Variants in ADGRL2 observed in about 807,000 individuals in gnomAD.
The protein encoded by ADGRL2 is calcium-independent alpha-latrotoxin receptor 2.
ADGRL2 carries 44 observed loss-of-function variants against 157.4 expected under a neutral mutation model. The observed-to-expected ratio is 0.28, with a 90% CI of 0.22 to 0.36. The LOEUF is 0.36. ADGRL2 is among the 10% of genes least tolerant of loss of function. The pLI, the probability that ADGRL2 is intolerant of heterozygous loss-of-function variation, is 1.00. For missense variants in ADGRL2, 1,510 were observed against 1,768.9 expected, an observed-to-expected ratio of 0.85 and a Z score of 2.63; for synonymous variants, 585 against 624.7, an observed-to-expected ratio of 0.94 and a Z score of 0.95.
chr1:81,368,648 A>C (rs1206957977), intron 1 of ADGRL2, among the ~76,000 whole-genome samples: 4 of 152,186 alleles, frequency 2.6e-5, no homozygotes. Flanking sequence ...AGTACCTTCC[A>C]ATCCTTAATG....
intron 2 of ADGRL2, among the ~76,000 whole-genome samples, chr1:81,520,710 A>G (rs1389327825): frequency 6.6e-6 from 1 of 152,170 alleles, no homozygotes; most frequent in Non-Finnish European, 1.5e-5. Flanking sequence ...CTCCCCAACC[A>G]TGCAGAACTG....
chr1:81,332,567 C>T (rs938660472), intron 1 of ADGRL2, among the ~76,000 whole-genome samples: 1 of 152,042 alleles, frequency 6.6e-6, no homozygotes, highest in African/African-American at 2.4e-5. Context: ...CAATTTAATC[C>T]CAGGTAGATG....
chr1:81,359,680 T>C (rs7533226), intron 1 of ADGRL2, among the ~76,000 whole-genome samples: 5,318 of 152,066 alleles, frequency 0.035, 117 homozygotes, highest in Middle Eastern at 0.1. Context: ...ACTTGTCATC[T>C]CTACCTAAAT....
At chr1:81,675,776 T>C in intron 3 of ADGRL2, among the ~76,000 whole-genome samples, 1 of 152,114 alleles carries the variant, frequency 6.6e-6, no homozygotes, top group East Asian at 1.9e-4. Flanking sequence ...GAGACAGGGT[T>C]TCACCATGTT....
intron 18 of ADGRL2, among the ~76,000 whole-genome samples, chr1:81,980,370 AT>A (rs1309173537): frequency 1.3e-5 from 2 of 151,748 alleles, no homozygotes; most frequent in African/African-American, 4.8e-5. Flanking sequence ...CTCTATTACT[AT>A]TGTTAACTTG....
At chr1:81,587,810 C>T (rs1182696411) in intron 3 of ADGRL2, among the ~76,000 whole-genome samples, 1 of 152,044 alleles carries the variant, frequency 6.6e-6, no homozygotes, top group Admixed American at 6.6e-5. Context: ...TGAGCCTTTG[C>T]TGTGAAAATA....
intron 1 of ADGRL2, among the ~76,000 whole-genome samples, chr1:81,435,737 C>T (rs1310850871): frequency 6.6e-6 from 1 of 152,090 alleles, no homozygotes; most frequent in East Asian, 1.9e-4. Context: ...ATATTTCTTA[C>T]ACTGAAACAT....
chr1:81,648,169 T>G (rs1264776659), intron 3 of ADGRL2, among the ~76,000 whole-genome samples: 1 of 152,186 alleles, frequency 6.6e-6, no homozygotes, highest in African/African-American at 2.4e-5. Context: ...GAGCCAGCAA[T>G]GAGATCAGAA....
chr1:81,537,495 A>G (rs2079770555), intron 2 of ADGRL2, among the ~76,000 whole-genome samples: 1 of 151,876 alleles, frequency 6.6e-6, no homozygotes, highest in South Asian at 2.1e-4. Context: ...CACGTTGGTC[A>G]GGCTGGTCTG....
At chr1:81,945,696 C>T (rs1420900898) in intron 6 of ADGRL2, among the ~76,000 whole-genome samples, 2 of 152,030 alleles carry the variant, frequency 1.3e-5, no homozygotes, top group Non-Finnish European at 2.9e-5. Flanking sequence ...TGAGAAGCTT[C>T]GGCAGATGTA....
chr1:81,870,570 C>T (rs1372977391), intron 2 of ADGRL2, among the ~76,000 whole-genome samples: 1 of 151,922 alleles, frequency 6.6e-6, no homozygotes, highest in East Asian at 1.9e-4. Context: ...AAATGATGGG[C>T]CTAGGAAGTT....
intron 1 of ADGRL2, among the ~76,000 whole-genome samples, chr1:81,425,411 A>T (rs2077194541): frequency 2.6e-5 from 1 of 38,266 alleles, no homozygotes; most frequent in Non-Finnish European, 7.0e-5. Context: ...AGAACCAATT[A>T]AAAAAAAAAT....
At chr1:81,833,717 A>G (rs1214242782) in intron 1 of ADGRL2, among the ~76,000 whole-genome samples, 1 of 152,198 alleles carries the variant, frequency 6.6e-6, no homozygotes, top group Non-Finnish European at 1.5e-5. Context: ...TAATGCAGCT[A>G]ATAAATGGAA....
intron 3 of ADGRL2, among the ~76,000 whole-genome samples, chr1:81,685,116 G>A (rs1308867098): frequency 1.3e-5 from 2 of 152,012 alleles, no homozygotes; most frequent in South Asian, 2.1e-4. Context: ...TTGGCTATGC[G>A]AGCTCTTTTT....
intron 3 of ADGRL2, among the ~76,000 whole-genome samples, chr1:81,601,025 G>T (rs199777449): frequency 6.6e-6 from 1 of 152,286 alleles, no homozygotes; most frequent in East Asian, 1.9e-4. Context: ...TAATGAGTGT[G>T]CTTCCATCCA....
upstream of ADGRL2, among the ~76,000 whole-genome samples, chr1:81,699,228 TA>T (rs2083508135): frequency 6.6e-6 from 1 of 152,222 alleles, no homozygotes; most frequent in Non-Finnish European, 1.5e-5. Context: ...GCTATATTTT[TA>T]AGACAGGAAC....
intron 1 of ADGRL2, among the ~76,000 whole-genome samples, chr1:81,443,829 G>A (rs1222732481): frequency 6.6e-6 from 1 of 152,134 alleles, no homozygotes; most frequent in Non-Finnish European, 1.5e-5. Flanking sequence ...GATACTCCTT[G>A]TTAGGCAAAT....
intron 3 of ADGRL2, among the ~76,000 whole-genome samples, chr1:81,655,266 C>T (rs866217043): frequency 1.3e-5 from 2 of 152,188 alleles, no homozygotes; most frequent in South Asian, 4.1e-4. Flanking sequence ...TCCCAAAGTG[C>T]TGAGATTACA....
chr1:81,413,526 A>G (rs12741429), intron 1 of ADGRL2, among the ~76,000 whole-genome samples: 33,056 of 152,150 alleles, frequency 0.22, 4,587 homozygotes, highest in Non-Finnish European at 0.31. Context: ...ACAATATTCT[A>G]TTAAGAATGT....
Sources: gnomAD v4.1 joint callset for allele counts (sites outside exome capture counted in the v4.1 genomes callset) on GRCh38, gnomAD v4.1.1 for gene constraint, MANE v1.5 for transcripts, NCBI Gene and HGNC (gene_info 2026-07-23, HGNC 2026-07-21) for gene names.